UPP1: variants seen among roughly 807,000 people sequenced by gnomAD.
UPP1 encodes uridine phosphorylase 1.
UPP1 carries 25 observed loss-of-function variants against 29.6 expected under a neutral mutation model. That is an observed-to-expected ratio of 0.85 (90% CI 0.62 to 1.18). UPP1 has a LOEUF of 1.18. UPP1 is among the 50% of genes most tolerant of loss of function. The pLI, the probability that UPP1 is intolerant of heterozygous loss-of-function variation, is 0.00. For missense variants in UPP1, 368 were observed against 410.4 expected, an observed-to-expected ratio of 0.90 and a Z score of 0.89; for synonymous variants, 165 against 159.8, an observed-to-expected ratio of 1.03 and a Z score of -0.25.
At chr7:48,099,828 A>G (rs2128812548) in intron 4 of UPP1, 41 bp downstream of exon 4, 1 of 1,337,544 alleles carries the variant, frequency 7.5e-7, no homozygotes, top group South Asian at 1.2e-5. Flanking sequence ...TTGCCTTAAG[A>G]TCAACCTCCC....
At chr7:48,098,777 T>C (rs1420190261) in intron 3 of UPP1, among the ~76,000 whole-genome samples, 1 of 152,220 alleles carries the variant, frequency 6.6e-6, no homozygotes, top group Non-Finnish European at 1.5e-5. Flanking sequence ...CATGTCTGCC[T>C]CTGTTTCCTG....
chr7:48,102,398 G>A (rs955739151), intron 5 of UPP1, among the ~76,000 whole-genome samples: 1 of 152,192 alleles, frequency 6.6e-6, no homozygotes, highest in Admixed American at 6.5e-5. Context: ...AAGGAGCATG[G>A]TGAACACAGA....
chr7:48,103,196 C>A, intron 5 of UPP1, 101 bp from the exon 6 acceptor site: 2 of 827,482 alleles, frequency 2.4e-6, no homozygotes, highest in Non-Finnish European at 4.1e-6. Flanking sequence ...ATCACTATGT[C>A]AATGGGCATG....
At chr7:48,099,864 C>G in intron 4 of UPP1, 77 bp downstream of exon 4, 1 of 954,770 alleles carries the variant, frequency 1.0e-6, no homozygotes, top group South Asian at 1.4e-5. Context: ...TAGACCAACC[C>G]ACAAATGCTT....
chr7:48,094,361 G>T (rs897144145), intron 2 of UPP1, among the ~76,000 whole-genome samples: 6 of 152,046 alleles, frequency 3.9e-5, no homozygotes, highest in Non-Finnish European at 8.8e-5. Flanking sequence ...GATTACAGGC[G>T]CCTGCCACCA....
At chr7:48,102,451 T>C (rs1688640688) in intron 5 of UPP1, among the ~76,000 whole-genome samples, 1 of 152,190 alleles carries the variant, frequency 6.6e-6, no homozygotes, top group Admixed American at 6.5e-5. Context: ...TTTTTCAGTT[T>C]TGATTTTGTC....
chr7:48,098,372 GATAGATAAA>G (rs1053984458), intron 3 of UPP1, among the ~76,000 whole-genome samples: 25 of 152,182 alleles, frequency 1.6e-4, no homozygotes, highest in African/African-American at 5.8e-4. Context: ...TTGATAAAAT[GATAGATAAA>G]ATAGGATGGG....
At chr7:48,103,493 A>G in intron 6 of UPP1, 82 bp downstream of exon 6, 2 of 1,226,132 alleles carry the variant, frequency 1.6e-6, no homozygotes, top group South Asian at 1.2e-5. Flanking sequence ...ATGGTGTGGC[A>G]TTAGAGACAA....
chr7:48,089,485 G>A (rs1040665842), intron 1 of UPP1, 67 bp downstream of exon 1: 1 of 152,542 alleles, frequency 6.6e-6, no homozygotes, highest in Non-Finnish European at 1.5e-5. Flanking sequence ...CCCCTGCCTT[G>A]GCCACGTGCC....
intron 3 of UPP1, among the ~76,000 whole-genome samples, chr7:48,097,799 C>T (rs1001017229): frequency 6.6e-6 from 1 of 152,138 alleles, no homozygotes; most frequent in Admixed American, 6.5e-5. Flanking sequence ...TCCTAAAATA[C>T]TGTGGGGTGT....
At chr7:48,088,858 G>A (rs1274817461), upstream of UPP1, 1 of 152,444 alleles carries the variant, frequency 6.6e-6, no homozygotes, top group African/African-American at 2.4e-5. Flanking sequence ...CTGGCGGCGT[G>A]ACCTTGGGTT....
rs1031845020 is a variant in UPP1, at chr7:48,090,216, T to G, written c.-170T>G. On this transcript the variant is annotated 5_prime_UTR_variant, in exon 2 of 9. Transcript: ENST00000395564. ...CCAGAGAAGCGAGGAACTCCGCAGC[T>G]CGTCGACACGTCTCGTCTCCTGTCC... is the stretch of plus-strand genomic sequence containing the variant. 6 of 152,210 alleles carry G rather than the reference T, an allele frequency of 3.9e-5. No individual in the cohort carries two copies. Among genetic ancestry groups the G allele is most frequent in the Non-Finnish European group, 8.8e-5 (6 of 68,046 alleles). 9.4% of individuals were successfully genotyped at this position (152,210 alleles called of 1,614,324 possible).
rs776064508 is a variant in UPP1, at chr7:48,107,346, C to T, written c.647-15C>T. 2 of 1,604,256 alleles carry T rather than the reference C, an allele frequency of 1.2e-6. No homozygotes were observed. Among genetic ancestry groups the T allele is most frequent in the Admixed American group, 1.7e-5 (1 of 58,874 alleles). ...TCACATGCATGTGGTTCTCATGTCT[C>T]CATGTGTGCCTCAGGGCAAGGCCGT... On this transcript the variant is annotated splice_polypyrimidine_tract_variant and intron_variant, in intron 7 of 8. Coordinates refer to ENST00000395564, the MANE Select transcript of UPP1 (RefSeq NM_003364.4).
intron 6 of UPP1, 24 bp from the exon 7 acceptor site, chr7:48,106,849 C>G (rs754405056): frequency 6.2e-7 from 1 of 1,612,160 alleles, no homozygotes; most frequent in Admixed American, 1.7e-5. Context: ...CCCTGCATAT[C>G]TTGATGTCTG....
Position 48,106,103 on chromosome 7 carries a change from C to T in UPP1, c.437-770C>T, listed in dbSNP as rs915121834. 3 of 152,274 alleles carry T rather than the reference C, an allele frequency of 2.0e-5. No homozygotes were observed. In the East Asian group the frequency reaches 5.8e-4, roughly 29 times the overall value. The allele number at this position is 152,274 out of a possible 1,614,324, so 9.4% of individuals were successfully genotyped here. On this transcript the variant is annotated intron_variant, in intron 6 of 8. Coordinates refer to ENST00000395564, the MANE Select transcript of UPP1 (RefSeq NM_003364.4). Reference sequence around the variant, plus strand: ...GCTCACCTGGGTTTAGGGTGTGGGACTTCATTATACTGTTCTAGTCTGCCT... The same window carrying T: ...GCTCACCTGGGTTTAGGGTGTGGGATTTCATTATACTGTTCTAGTCTGCCT...
chr7:48,108,134 CAG>C, intron 8 of UPP1, 82 bp from the exon 9 acceptor site: 1 of 1,548,548 alleles, frequency 6.5e-7, no homozygotes, highest in Non-Finnish European at 8.8e-7. Flanking sequence ...GGCTGCTCCT[CAG>C]AGCTCGTGGG....
intron 6 of UPP1, among the ~76,000 whole-genome samples, chr7:48,104,482 T>C (rs748107776): frequency 2.6e-5 from 4 of 152,148 alleles, no homozygotes; most frequent in Admixed American, 2.0e-4. Flanking sequence ...CTAGAGAAAG[T>C]TGAGCTTTGC....
chr7:48,089,853 C>G (rs936087902), intron 1 of UPP1, among the ~76,000 whole-genome samples: 9 of 152,160 alleles, frequency 5.9e-5, no homozygotes, highest in Non-Finnish European at 1.2e-4. Context: ...AGTGCGGGAA[C>G]CCCTAGAACT....
intron 3 of UPP1, among the ~76,000 whole-genome samples, chr7:48,096,005 C>A (rs918810869): frequency 2.0e-5 from 3 of 152,150 alleles, no homozygotes; most frequent in Non-Finnish European, 4.4e-5. Flanking sequence ...TCATTGACAG[C>A]CAAAAATGCC....
Sources: gnomAD v4.1 joint callset for allele counts (sites outside exome capture counted in the v4.1 genomes callset) on GRCh38, gnomAD v4.1.1 for gene constraint, MANE v1.5 for transcripts, NCBI Gene and HGNC (gene_info 2026-07-23, HGNC 2026-07-21) for gene names.